The following TET1 variants were observed in gnomAD, a reference collection of about 807,000 sequenced individuals.
The protein encoded by TET1 is methylcytosine dioxygenase TET1.
TET1 carries 13 observed loss-of-function variants against 148.7 expected under a neutral mutation model. That is an observed-to-expected ratio of 0.09 (90% CI 0.06 to 0.14). The LOEUF is 0.14. Ranked by LOEUF, TET1 falls within the 10% of genes least tolerant of loss-of-function variation. The probability of loss-of-function intolerance (pLI) is 1.00; values close to 1 mark genes in which losing one functional copy is unlikely to be tolerated. For missense variants in TET1, 2,182 were observed against 2,553.8 expected (o/e 0.85, Z 3.14); for synonymous variants, 907 against 937.2 (o/e 0.97, Z 0.59).
At chr10:68,591,663 AT>A (rs1422842778) in intron 2 of TET1, among the ~76,000 whole-genome samples, 1 of 152,150 alleles carries the variant, frequency 6.6e-6, no homozygotes, top group Non-Finnish European at 1.5e-5. Flanking sequence ...AGCACTTTGG[AT>A]GACCGAGGTG....
At chr10:68,667,023 T>C in intron 6 of TET1, 22 bp from the exon 7 acceptor site, 4 of 1,606,650 alleles carry the variant, frequency 2.5e-6, no homozygotes, top group Non-Finnish European at 3.4e-6. Flanking sequence ...CTTCCATAGA[T>C]GAATGTATTC....
At chr10:68,598,700 C>CT (rs36067164) in intron 2 of TET1, among the ~76,000 whole-genome samples, 10,880 of 129,818 alleles carry the variant, frequency 0.084, 509 homozygotes, top group Middle Eastern at 0.14. Context: ...CTTTTTCTTT[C>CT]TTTTTTTTTT....
chr10:68,653,087 G>T (rs946728249), intron 6 of TET1, among the ~76,000 whole-genome samples: 3 of 151,268 alleles, frequency 2.0e-5, no homozygotes, highest in Non-Finnish European at 4.4e-5. Flanking sequence ...TAGCTTTAGG[G>T]TATTTTATCT....
intron 1 of TET1, among the ~76,000 whole-genome samples, chr10:68,571,300 A>C (rs1216383962): frequency 8.0e-6 from 1 of 125,168 alleles, no homozygotes; most frequent in African/African-American, 3.1e-5. Context: ...CTGTTATTTT[A>C]TTTTATTTCA....
Position 68,575,758 on chromosome 10 carries a change from A to G in TET1, c.1914+1506A>G, listed in dbSNP as rs575048595. Among the ~76,000 whole-genome samples, 16 of 151,884 alleles carry G rather than the reference A, an allele frequency of 1.1e-4. No individual in the cohort carries two copies. In the South Asian group the frequency reaches 3.3e-3, roughly 32 times the overall value. ...ATAAATAGGCCGGGCGCGGTGGCTC[A>G]CACCTGTAATCCCAGTACTTTGGGA... On this transcript the variant is annotated intron_variant, in intron 2 of 11. Transcript: ENST00000373644.
Position 68,573,702 on chromosome 10 carries a change from C to G in TET1, c.1364C>G (p.Thr455Ser), listed in dbSNP as rs762561006. 1 of 1,614,162 alleles carries G rather than the reference C, an allele frequency of 6.2e-7. No homozygotes were observed. Among genetic ancestry groups the G allele is most frequent in the Non-Finnish European group, 8.5e-7 (1 of 1,180,048 alleles). ...TCCAAATGGCCTGAGCCCCAAAGCACTGTCTCATATGGACTTGCAGTCCAG... is the reference window on the plus strand; with the variant it reads ...TCCAAATGGCCTGAGCCCCAAAGCAGTGTCTCATATGGACTTGCAGTCCAG... ...APSKWPEPQS[T>S]VSYGLAVQGA... The change falls in exon 2 of 12, where the codon ACT becomes AGT. Residue 455 changes from threonine to serine, a missense_variant. By Grantham distance (58) the Thr-to-Ser change is moderately conservative. Transcript: ENST00000373644.
At chr10:68,621,047 G>A (rs574094428) in intron 3 of TET1, among the ~76,000 whole-genome samples, 22 of 152,264 alleles carry the variant, frequency 1.4e-4, no homozygotes, top group African/African-American at 3.4e-4. Flanking sequence ...TTTATCAAAT[G>A]TATGGTTTGC....
At chr10:68,682,643 T>C (rs2055452358) in intron 9 of TET1, among the ~76,000 whole-genome samples, 193 bp from the exon 10 acceptor site, 1 of 152,256 alleles carries the variant, frequency 6.6e-6, no homozygotes, top group African/African-American at 2.4e-5. Context: ...ATTTTCCTTT[T>C]ACTCCATGTA....
intron 2 of TET1, among the ~76,000 whole-genome samples, chr10:68,593,061 TCTAC>T (rs1293676231): frequency 1.3e-5 from 2 of 151,686 alleles, no homozygotes; most frequent in African/African-American, 4.8e-5. Flanking sequence ...TAGTGAAATC[TCTAC>T]TAAATATACA....
rs190819936 is a variant in TET1 at position 68,630,356 on chromosome 10, G to C, written c.1969-14342G>C. On this transcript the variant is annotated intron_variant, in intron 3 of 11. Coordinates refer to ENST00000373644, the MANE Select transcript of TET1 (RefSeq NM_030625.3). Reference sequence around the variant, plus strand: ...ACACGGAGTGTCGCTCTGTTGCCCAGGCTGGAGGGCAGTGGTGCTATTTTG... The same window carrying C: ...ACACGGAGTGTCGCTCTGTTGCCCACGCTGGAGGGCAGTGGTGCTATTTTG... Among the ~76,000 whole-genome samples, 168 of 152,330 alleles carry C rather than the reference G, an allele frequency of 1.1e-3. 1 individual carries two copies. Among genetic ancestry groups the C allele is most frequent in the Middle Eastern group, 6.8e-3 (2 of 294 alleles).
intron 4 of TET1, among the ~76,000 whole-genome samples, chr10:68,649,546 T>C (rs1478763626): frequency 7.0e-6 from 1 of 142,960 alleles, no homozygotes; most frequent in Non-Finnish European, 1.5e-5. Flanking sequence ...GCAGAGCTTG[T>C]AGTGAGCCGA....
At chr10:68,687,834 C>T (rs2055535852) in intron 11 of TET1, among the ~76,000 whole-genome samples, 1 of 152,140 alleles carries the variant, frequency 6.6e-6, no homozygotes, top group Non-Finnish European at 1.5e-5. Flanking sequence ...AATGATTCTC[C>T]CAAATTGGTG....
intron 7 of TET1, among the ~76,000 whole-genome samples, chr10:68,669,645 CGT>C (rs1214068489): frequency 2.7e-5 from 4 of 150,908 alleles, no homozygotes; most frequent in Middle Eastern, 3.4e-3. Context: ...TGAGCCACCA[CGT>C]CCAGCCCAGT....
Position 68,572,502 on chromosome 10 carries a change from A to T in TET1, c.164A>T (p.Glu55Val). The change falls in exon 2 of 12, where the codon GAA becomes GTA. Residue 55 changes from glutamate to valine, a missense_variant. By Grantham distance (121) the Glu-to-Val change is moderately radical. Around this residue, in one of 11 missense-constraint regions of TET1, gnomAD observed 665 missense variants for 672.4 expected, o/e 0.99. Coordinates refer to ENST00000373644, the MANE Select transcript of TET1 (RefSeq NM_030625.3). ...SPGKLKQLIQ[E>V]RDVKKKTEPK... ...GGAAAATTAAAGCAATTAATTCAAG[A>T]AAGAGATGTTAAGAAAAAAACAGAA... The T allele has an allele frequency of 6.2e-7, 1 of 1,613,720 alleles. No homozygotes were observed.
Position 68,573,307 on chromosome 10 carries a change from T to G in TET1, c.969T>G (p.Pro323=), listed in dbSNP as rs765323867. The change falls in exon 2 of 12, where the codon CCT becomes CCG. Residue 323 remains proline (P), a synonymous_variant. Coordinates refer to ENST00000373644, the MANE Select transcript of TET1 (RefSeq NM_030625.3). ...NCLALGGSTS[P]TSVIKFLLAG... is the part of the protein sequence containing the mutation. ...TGGCTCTTGGTGGGTCTACGTCTCC[T>G]ACCTCTGTAATAAAATTCCTCTTGG... 1 of 1,614,150 alleles carries G rather than the reference T, an allele frequency of 6.2e-7. No homozygotes were observed. The highest frequency in any genetic ancestry group is 1.7e-5 in the Admixed American group (1 of 60,028).
At chr10:68,616,048 A>G (rs2054285284) in intron 3 of TET1, among the ~76,000 whole-genome samples, 1 of 152,210 alleles carries the variant, frequency 6.6e-6, no homozygotes, top group Non-Finnish European at 1.5e-5. Context: ...ACATTTATAC[A>G]ATGCTATTAT....
chr10:68,668,236 T>C (rs1003813477), intron 7 of TET1, among the ~76,000 whole-genome samples: 8 of 152,256 alleles, frequency 5.3e-5, no homozygotes, highest in Non-Finnish European at 1.2e-4. Context: ...GGCTATGTTA[T>C]CTCCCACAAA....
chr10:68,609,172 T>C (rs2054170755), intron 3 of TET1, among the ~76,000 whole-genome samples: 1 of 151,894 alleles, frequency 6.6e-6, no homozygotes, highest in African/African-American at 2.4e-5. Context: ...TAATTTTATT[T>C]TTTTTTGAGA....
chr10:68,657,374 C>T (rs1004051307), intron 6 of TET1, among the ~76,000 whole-genome samples: 10 of 152,040 alleles, frequency 6.6e-5, no homozygotes, highest in African/African-American at 1.4e-4. Context: ...GACGGGGTTT[C>T]GCCGTGTTAG....
Sources: gnomAD v4.1 joint callset for allele counts (sites outside exome capture counted in the v4.1 genomes callset) on GRCh38, gnomAD v4.1.1 for gene constraint, gnomAD v4.1.1 regional missense constraint, MANE v1.5 for transcripts, NCBI Gene and HGNC (gene_info 2026-07-23, HGNC 2026-07-21) for gene names.